LMBR1: variants seen among roughly 807,000 people sequenced by gnomAD.
LMBR1 encodes the protein limb region 1 protein homolog.
LMBR1 carries 52 observed loss-of-function variants against 73.9 expected under a neutral mutation model. That is an observed-to-expected ratio of 0.70 (90% CI 0.56 to 0.89). LMBR1 has a LOEUF of 0.89. Ranked by LOEUF, LMBR1 falls within the 40% of genes least tolerant of loss-of-function variation. LMBR1 has a pLI of 0.00. For synonymous variants in LMBR1, 215 were observed against 209.4 expected (o/e 1.03, Z -0.23); for missense variants, 539 against 579.8 (o/e 0.93, Z 0.72).
intron 16 of LMBR1, among the ~76,000 whole-genome samples, chr7:156,686,971 T>G (rs1806136799): frequency 6.6e-6 from 1 of 152,240 alleles, no homozygotes; most frequent in Non-Finnish European, 1.5e-5. Context: ...GACTTTTTCC[T>G]GTCAGGCATT....
chr7:156,687,849 G>A (rs912060205), intron 16 of LMBR1, among the ~76,000 whole-genome samples, 181 bp downstream of exon 16: 6 of 152,156 alleles, frequency 3.9e-5, no homozygotes, highest in Non-Finnish European at 8.8e-5. Context: ...TACTATCACT[G>A]TATTACAGAT....
intron 9 of LMBR1, among the ~76,000 whole-genome samples, chr7:156,739,908 C>A (rs1417041349): frequency 6.6e-6 from 1 of 152,124 alleles, no homozygotes; most frequent in Non-Finnish European, 1.5e-5. Flanking sequence ...CTAAATGAGG[C>A]ACCAGGGACC....
At chr7:156,695,831 G>A (rs1389189166) in intron 15 of LMBR1, among the ~76,000 whole-genome samples, 1 of 150,210 alleles carries the variant, frequency 6.7e-6, no homozygotes. Context: ...TCCAGACAGT[G>A]TAGTACTGAT....
downstream of LMBR1, chr7:156,676,388 G>A (rs200884632): frequency 1.1e-5 from 18 of 1,614,002 alleles, no homozygotes; most frequent in East Asian, 1.6e-4. Flanking sequence ...AAACTAACCC[G>A]CGTGGCCTCT....
chr7:156,849,851 C>T (rs890101448), intron 1 of LMBR1, among the ~76,000 whole-genome samples: 1 of 152,112 alleles, frequency 6.6e-6, no homozygotes, highest in Admixed American at 6.5e-5. Context: ...TGATGTTCAA[C>T]CCAAGGTCAT....
chr7:156,749,557 T>C (rs1261128774), intron 9 of LMBR1, among the ~76,000 whole-genome samples: 1 of 152,212 alleles, frequency 6.6e-6, no homozygotes, highest in African/African-American at 2.4e-5. Context: ...AAGACATGTC[T>C]TGTTTTTTTT....
intron 1 of LMBR1, among the ~76,000 whole-genome samples, chr7:156,837,638 A>C (rs1184514825): frequency 6.6e-6 from 1 of 152,182 alleles, no homozygotes; most frequent in African/African-American, 2.4e-5. Flanking sequence ...AACATTTTCC[A>C]CTATATAAAA....
chr7:156,757,896 A>C (rs1324318518), intron 8 of LMBR1, among the ~76,000 whole-genome samples: 2 of 152,170 alleles, frequency 1.3e-5, no homozygotes, highest in African/African-American at 4.8e-5. Context: ...ACACATACCA[A>C]CTCGATCCTT....
intron 4 of LMBR1, among the ~76,000 whole-genome samples, chr7:156,814,658 C>T (rs866190248): frequency 2.0e-5 from 3 of 152,326 alleles, no homozygotes; most frequent in Admixed American, 6.5e-5. Flanking sequence ...TAGCTAAGTG[C>T]GTAGCACTTT....
At chr7:156,744,263 T>G (rs993392518) in intron 9 of LMBR1, among the ~76,000 whole-genome samples, 1 of 152,148 alleles carries the variant, frequency 6.6e-6, no homozygotes, top group Non-Finnish European at 1.5e-5. Flanking sequence ...CAGCAACCAG[T>G]AGCAGGTTGC....
chr7:156,892,729 G>A (rs1407613365), intron 1 of LMBR1, 199 bp downstream of exon 1: 3 of 398,656 alleles, frequency 7.5e-6, no homozygotes, highest in Non-Finnish European at 1.3e-5. Flanking sequence ...CGAAGGGGAG[G>A]GGAGGGGAGA....
intron 9 of LMBR1, among the ~76,000 whole-genome samples, chr7:156,745,284 C>G (rs1819639552): frequency 6.6e-6 from 1 of 151,968 alleles, no homozygotes; most frequent in South Asian, 2.1e-4. Flanking sequence ...TCTTATTTGT[C>G]TCTCCCATTA....
intron 5 of LMBR1, among the ~76,000 whole-genome samples, chr7:156,792,471 G>T (rs1479877484): frequency 2.0e-5 from 3 of 152,114 alleles, no homozygotes; most frequent in Admixed American, 1.3e-4. Flanking sequence ...ATAAAAGTTA[G>T]CTGCTTACTA....
At position 156,679,767 on chromosome 7, in the gene LMBR1, TC is replaced by T. The variant is rs1804690207; in HGVS notation, c.*4310del. 1 of 152,186 alleles carries T rather than the reference TC, an allele frequency of 6.6e-6. No individual in the cohort carries two copies. The highest frequency in any genetic ancestry group is 2.1e-4 in the South Asian group (1 of 4,826). The allele number at this position is 152,186 out of a possible 1,614,324, so 9.4% of individuals were successfully genotyped here. ...ACTCACATCAGGGCCGCCCTGCTGT[TC>T]ATAATCCAGGCTCATAAACTTGACT... is the stretch of plus-strand genomic sequence containing the variant. On this transcript the variant is annotated 3_prime_UTR_variant, in exon 17 of 17. Transcript: ENST00000353442.
rs1014517433 is a variant in LMBR1 at position 156,836,868 on chromosome 7, A to G, written c.84T>C (p.Phe28=). 4 of 1,575,908 alleles carry G rather than the reference A, an allele frequency of 2.5e-6. No homozygotes were observed. The African/African-American group carries it at 5.4e-5, about 21-fold the overall frequency. Reference sequence around the variant, plus strand: ...AGTAGGAAACAACGTAGAGAATGGCAAAAAGAAGGAAACATATCTGAAACA... The same window carrying G: ...AGTAGGAAACAACGTAGAGAATGGCGAAAAGAAGGAAACATATCTGAAACA... ...VRESTICFLL[F]AILYVVSYFI... is the part of the protein sequence containing the mutation. Residue 28 remains phenylalanine, a synonymous_variant, in exon 2 of 17, where the codon TTT becomes TTC. Transcript: ENST00000353442.
At chr7:156,839,644 C>T (rs1220349556) in intron 1 of LMBR1, among the ~76,000 whole-genome samples, 1 of 152,152 alleles carries the variant, frequency 6.6e-6, no homozygotes, top group Non-Finnish European at 1.5e-5. Context: ...GGATAGTGGA[C>T]ATTCCCTGCA....
At chr7:156,854,193 A>T (rs550163235) in intron 1 of LMBR1, among the ~76,000 whole-genome samples, 49 of 152,310 alleles carry the variant, frequency 3.2e-4, no homozygotes, top group African/African-American at 1.1e-3. Flanking sequence ...GTTAAATTAC[A>T]GGGCAAACTA....
At chr7:156,814,593 C>A (rs1482547456) in intron 4 of LMBR1, among the ~76,000 whole-genome samples, 1 of 152,184 alleles carries the variant, frequency 6.6e-6, no homozygotes, top group Non-Finnish European at 1.5e-5. Context: ...CTAACAAAAT[C>A]AAGGTATTCA....
At chr7:156,736,689 A>G (rs1817936231) in intron 9 of LMBR1, 1 of 430,562 alleles carries the variant, frequency 2.3e-6, no homozygotes, top group East Asian at 7.2e-5. Flanking sequence ...TATGGCCATA[A>G]TGCTCATTTT....
Sources: gnomAD v4.1 joint callset for allele counts (sites outside exome capture counted in the v4.1 genomes callset) on GRCh38, gnomAD v4.1.1 for gene constraint, MANE v1.5 for transcripts, NCBI Gene and HGNC (gene_info 2026-07-23, HGNC 2026-07-21) for gene names.